Variants in LVRN observed in about 807,000 individuals in gnomAD.
LVRN encodes laeverin, also known as aminopeptidase Q.
LVRN carries 99 observed loss-of-function variants against 111.4 expected under a neutral mutation model. The ratio of observed to expected loss-of-function variants is 0.89; its 90% CI spans 0.76 to 1.05. The LOEUF is 1.05. Ranked by LOEUF, LVRN falls within the 50% of genes least tolerant of loss-of-function variation. The probability of loss-of-function intolerance (pLI) is 0.00; values close to 1 mark genes in which losing one functional copy is unlikely to be tolerated. For missense variants in LVRN, 1,414 were observed against 1,206.8 expected (o/e 1.17, Z -2.54); for synonymous variants, 488 against 449.5 (o/e 1.09, Z -1.08).
At position 116,024,608 on chromosome 5, in the gene LVRN, C is replaced by G. The variant is rs552715585; in HGVS notation, c.2833-1370C>G. Among the ~76,000 whole-genome samples the G allele has an allele frequency of 3.3e-5, 5 of 152,268 alleles. No homozygotes were observed. The East Asian group carries it at 9.6e-4, about 29-fold the overall frequency. Reference sequence around the variant, plus strand: ...GCGAATCAAGACTCAGTGTGTGTTTCTGTCTTCTAAAATTCGTTAGTTCAA... The same window carrying G: ...GCGAATCAAGACTCAGTGTGTGTTTGTGTCTTCTAAAATTCGTTAGTTCAA... On this transcript the variant is annotated intron_variant, in intron 19 of 19. Coordinates refer to ENST00000357872, the MANE Select transcript of LVRN (RefSeq NM_173800.5).
chr5:116,009,255 C>T (rs888981965), intron 13 of LVRN, among the ~76,000 whole-genome samples: 1 of 152,080 alleles, frequency 6.6e-6, no homozygotes, highest in Non-Finnish European at 1.5e-5. Flanking sequence ...CTTAGATCTA[C>T]TGCTCAGGAA....
At chr5:115,996,677 G>A (rs1748120790) in intron 6 of LVRN, among the ~76,000 whole-genome samples, 1 of 152,142 alleles carries the variant, frequency 6.6e-6, no homozygotes, top group African/African-American at 2.4e-5. Flanking sequence ...CAGAACATTA[G>A]GGACGAAGGC....
intron 12 of LVRN, among the ~76,000 whole-genome samples, chr5:116,004,435 A>G (rs1174714247): frequency 1.3e-5 from 2 of 152,198 alleles, no homozygotes; most frequent in Non-Finnish European, 2.9e-5. Context: ...GTGCTGAACT[A>G]AAAGATGTCT....
intron 1 of LVRN, chr5:115,975,249 A>G (rs946057347): frequency 1.6e-4 from 70 of 444,980 alleles, no homozygotes; most frequent in Non-Finnish European, 2.6e-4. Context: ...TGTCCAGCAT[A>G]TTGTCTGCTT....
At position 115,987,878 on chromosome 5, in the gene LVRN, A is replaced by G; in HGVS notation, c.1044A>G (p.Thr348=). The change falls in exon 4 of 20, where the codon ACA becomes ACG. Residue 348 remains threonine, a synonymous_variant. Transcript: ENST00000357872. ...NGSADFALNI[T]GPIFSFLEDL... Reference sequence around the variant, plus strand: ...GTGCAGACTTTGCTTTGAACATCACAGGTCCCATCTTCTCTTTTCTGGAGG... The same window carrying G: ...GTGCAGACTTTGCTTTGAACATCACGGGTCCCATCTTCTCTTTTCTGGAGG... 2 of 1,613,394 alleles carry G rather than the reference A, an allele frequency of 1.2e-6. No individual in the cohort carries two copies. The highest frequency in any genetic ancestry group is 1.1e-5 in the South Asian group (1 of 91,000).
In LVRN at chr5:116,001,380, AGAG is replaced by A. The variant is rs1211769563; in HGVS notation, c.1820+142_1820+144del. 109 of 1,000,394 alleles carry A rather than the reference AGAG, an allele frequency of 1.1e-4. 1 individual carries two copies. The Admixed American group carries it at 2.4e-3, about 22-fold the overall frequency. The allele number at this position is 1,000,394 out of a possible 1,614,324, so 62.0% of individuals were successfully genotyped here. A position where few individuals can be genotyped will look rare whatever the true frequency, so the allele number is the denominator to read the frequency against. On this transcript the variant is annotated intron_variant, in intron 10 of 19. Coordinates refer to ENST00000357872, the MANE Select transcript of LVRN (RefSeq NM_173800.5). ...ATGTGACTGTGTACTAGGGTGAAGC[AGAG>A]CCCTTGTGTCCGGGCAACGCCAGAG...
intron 4 of LVRN, among the ~76,000 whole-genome samples, chr5:115,989,816 G>A (rs976612463): frequency 6.6e-6 from 1 of 152,164 alleles, no homozygotes; most frequent in African/African-American, 2.4e-5. Flanking sequence ...TTATTGATAG[G>A]TGATTAAGAT....
rs750217209 is a variant in LVRN at position 116,003,400 on chromosome 5, T to G, written c.2037+20T>G. The G allele has an allele frequency of 7.5e-7, 1 of 1,330,472 alleles. No homozygotes were observed. The highest frequency in any genetic ancestry group is 1.5e-5 in the South Asian group (1 of 65,938). 82.4% of individuals were successfully genotyped at this position (1,330,472 alleles called of 1,614,324 possible). ...CCTAAGGTAAGGTTACTTTTGATAC[T>G]TTTAATTAAATATAATTTATAATGC... On this transcript the variant is annotated intron_variant, in intron 12 of 19. Coordinates refer to ENST00000357872, the MANE Select transcript of LVRN (RefSeq NM_173800.5).
intron 4 of LVRN, among the ~76,000 whole-genome samples, chr5:115,991,828 T>A (rs143143253): frequency 6.6e-6 from 1 of 152,366 alleles, no homozygotes; most frequent in East Asian, 1.9e-4. Flanking sequence ...TATGTTCAGA[T>A]CTTTTGTCCA....
At chr5:116,022,140 A>G (rs981043906) in intron 18 of LVRN, 4 of 324,994 alleles carry the variant, frequency 1.2e-5, no homozygotes, top group African/African-American at 6.6e-5. Context: ...TTAAAAGACA[A>G]TTGTTTTTAA....
At position 115,962,729 on chromosome 5, in the gene LVRN, G is replaced by T; in HGVS notation, c.112G>T (p.Gly38Cys). Residue 38 changes from glycine (G) to cysteine (C), a missense_variant, in exon 1 of 20, where the codon GGC (glycine) becomes TGC (cysteine). Physicochemically the swap from Gly to Cys is radical, Grantham distance 159 (BLOSUM62 -3). Transcript: ENST00000357872. The stretch of plus-strand genomic sequence containing the variant: ...GCTGGCCGTACTCGCCGCCTTGTAC[G>T]GCCACTGCGAGCGCGTCCCACCGTC... ...LALAVLAALY[G>C]HCERVPPSEL... is the part of the protein sequence containing the mutation. The T allele has an allele frequency of 6.2e-7, 1 of 1,612,050 alleles. No individual in the cohort carries two copies. The highest frequency in any genetic ancestry group is 8.5e-7 in the Non-Finnish European group (1 of 1,179,612).
intron 1 of LVRN, among the ~76,000 whole-genome samples, chr5:115,980,003 AC>A (rs1242743884): frequency 6.6e-6 from 1 of 152,126 alleles, no homozygotes; most frequent in East Asian, 1.9e-4. Flanking sequence ...TCCATGATCC[AC>A]TTCCAGCACA....
In LVRN at chr5:116,026,495, A is replaced by G; in HGVS notation, c.*377A>G. On this transcript the variant is annotated 3_prime_UTR_variant, in exon 20 of 20. Coordinates refer to ENST00000357872, the MANE Select transcript of LVRN (RefSeq NM_173800.5). ...AGCACATTCTTTGCTGAGGGAAATA[A>G]CAGTTTTTCCAGGCCCTAGGGTTTA... The G allele has an allele frequency of 7.0e-6, 2 of 284,492 alleles. No individual in the cohort carries two copies. The highest frequency in any genetic ancestry group is 1.3e-5 in the Non-Finnish European group (2 of 148,806). 17.6% of individuals were successfully genotyped at this position (284,492 alleles called of 1,614,324 possible).
At chr5:115,972,270 T>C (rs1753344165) in intron 1 of LVRN, among the ~76,000 whole-genome samples, 3 of 152,004 alleles carry the variant, frequency 2.0e-5, no homozygotes, top group Non-Finnish European at 4.4e-5. Flanking sequence ...TTCGCAACTG[T>C]TTTATGAATT....
In LVRN at chr5:115,962,784, C is replaced by T; in HGVS notation, c.167C>T (p.Ala56Val). Residue 56 changes from alanine (A) to valine (V), a missense_variant, in exon 1 of 20, where the codon GCC becomes GTC. Ala to Val is a moderately conservative substitution (Grantham distance 64). Transcript: ENST00000357872. ...CTGCCTGGACTCAGGGACTTGGAAG[C>T]CGAGTCTTCCCCTCCCCTCAGGCAG... ...SELPGLRDLE[A>V]ESSPPLRQKP... The T allele has an allele frequency of 6.2e-7, 1 of 1,611,036 alleles. No individual in the cohort carries two copies. Among genetic ancestry groups the T allele is most frequent in the Non-Finnish European group, 8.5e-7 (1 of 1,178,510 alleles).
chr5:115,983,819 G>T (rs1330626993), intron 2 of LVRN, among the ~76,000 whole-genome samples: 1 of 152,236 alleles, frequency 6.6e-6, no homozygotes, highest in African/African-American at 2.4e-5. Context: ...AATATCCAGA[G>T]ATTTTACATA....
chr5:115,980,277 CA>C (rs549536740), intron 1 of LVRN, among the ~76,000 whole-genome samples: 1 of 151,984 alleles, frequency 6.6e-6, no homozygotes, highest in South Asian at 2.1e-4. Context: ...GGGAAGGAAA[CA>C]CCACTGTGAG....
intron 18 of LVRN, 99 bp downstream of exon 18, chr5:116,015,864 A>G (rs1197241180): frequency 6.9e-7 from 1 of 1,442,168 alleles, no homozygotes; most frequent in African/African-American, 1.4e-5. Flanking sequence ...TAGTCTAGCT[A>G]GGCCACAAAC....
At chr5:115,985,513 A>G (rs1260807076) in intron 3 of LVRN, among the ~76,000 whole-genome samples, 1 of 152,198 alleles carries the variant, frequency 6.6e-6, no homozygotes, top group African/African-American at 2.4e-5. Context: ...ACTTACAATG[A>G]ATAGGTGTTT....
Sources: allele counts gnomAD v4.1 joint callset (sites outside exome capture counted in the v4.1 genomes callset), GRCh38; gene constraint gnomAD v4.1.1; transcripts MANE v1.5; gene names NCBI Gene and HGNC (gene_info 2026-07-23, HGNC 2026-07-21).